The following CARMIL1 variants were observed in gnomAD, a reference collection of about 807,000 sequenced individuals.
CARMIL1 encodes the protein capping protein regulator and myosin 1 linker 1.
A neutral mutation model predicts 177.1 loss-of-function variants in CARMIL1; 90 were observed. The ratio of observed to expected loss-of-function variants is 0.51; its 90% CI spans 0.43 to 0.61. CARMIL1 has a LOEUF of 0.61. Ranked by LOEUF, CARMIL1 falls within the 20% of genes least tolerant of loss-of-function variation. The pLI is 0.00. For synonymous variants in CARMIL1, 577 were observed against 606.2 expected (o/e 0.95, Z 0.71); for missense variants, 1,380 against 1,667.0 (o/e 0.83, Z 3.00).
At chr6:25,377,136 G>A (rs1235414903) in intron 2 of CARMIL1, among the ~76,000 whole-genome samples, 1 of 152,212 alleles carries the variant, frequency 6.6e-6, no homozygotes, top group African/African-American at 2.4e-5. Flanking sequence ...CAGAAAGGCT[G>A]TCTACAGGTG....
At chr6:25,520,596 T>G (rs370020411) in intron 23 of CARMIL1, among the ~76,000 whole-genome samples, 4 of 152,200 alleles carry the variant, frequency 2.6e-5, no homozygotes, top group East Asian at 3.8e-4. Context: ...TGCCAGAGCT[T>G]AAGTATAGTT....
chr6:25,468,735 T>C (rs1340213266), intron 9 of CARMIL1, among the ~76,000 whole-genome samples: 1 of 152,258 alleles, frequency 6.6e-6, no homozygotes, highest in African/African-American at 2.4e-5. Context: ...AGAATTAATT[T>C]AATCATGAAT....
chr6:25,492,691 A>AT (rs1018442525), intron 15 of CARMIL1, among the ~76,000 whole-genome samples: 5 of 152,166 alleles, frequency 3.3e-5, no homozygotes, highest in Non-Finnish European at 1.5e-5. Context: ...TAGTTATATG[A>AT]TTTTAAATAA....
intron 20 of CARMIL1, among the ~76,000 whole-genome samples, chr6:25,513,507 A>G (rs301392): frequency 0.44 from 66,394 of 152,068 alleles, 14,900 homozygotes; most frequent in Middle Eastern, 0.52. Flanking sequence ...GCCATGGTAT[A>G]TTTGGATGAT....
At chr6:25,363,341 G>T (rs980761095) in intron 2 of CARMIL1, among the ~76,000 whole-genome samples, 1 of 152,088 alleles carries the variant, frequency 6.6e-6, no homozygotes, top group Non-Finnish European at 1.5e-5. Context: ...GAGCAGCTCA[G>T]AGGACTAGTG....
At chr6:25,316,768 GAAC>G (rs1784311402) in intron 2 of CARMIL1, among the ~76,000 whole-genome samples, 1 of 151,782 alleles carries the variant, frequency 6.6e-6, no homozygotes, top group African/African-American at 2.4e-5. Context: ...GGAAAGAGAA[GAAC>G]AAGAAGTTCT....
chr6:25,514,906 C>T (rs907479623), intron 20 of CARMIL1, among the ~76,000 whole-genome samples: 2 of 148,832 alleles, frequency 1.3e-5, no homozygotes, highest in Admixed American at 1.3e-4. Context: ...CCTGTGCATT[C>T]TGCACAGAGC....
At chr6:25,284,972 A>T in intron 2 of CARMIL1, 63 bp downstream of exon 2, 1 of 1,025,400 alleles carries the variant, frequency 9.8e-7, no homozygotes, top group Non-Finnish European at 1.5e-6. Flanking sequence ...CATTGTTTAG[A>T]TTGCTTAATT....
At chr6:25,370,097 A>G (rs962423624) in intron 2 of CARMIL1, 4 of 152,224 alleles carry the variant, frequency 2.6e-5, no homozygotes, top group African/African-American at 9.6e-5. Flanking sequence ...AGTAAGCATA[A>G]AAACAAGCGC....
intron 29 of CARMIL1, among the ~76,000 whole-genome samples, chr6:25,573,232 T>C (rs1812264303): frequency 6.6e-6 from 1 of 152,196 alleles, no homozygotes; most frequent in Admixed American, 6.5e-5. Flanking sequence ...CCCATTTATC[T>C]ATCATGTGTT....
intron 29 of CARMIL1, among the ~76,000 whole-genome samples, chr6:25,560,886 T>G (rs1026371825): frequency 1.3e-5 from 2 of 152,210 alleles, no homozygotes; most frequent in African/African-American, 4.8e-5. Flanking sequence ...TTTTAAACAT[T>G]GTTGGAAACG....
chr6:25,525,648 C>G (rs780465889), intron 23 of CARMIL1, among the ~76,000 whole-genome samples: 5 of 152,050 alleles, frequency 3.3e-5, no homozygotes, highest in Non-Finnish European at 7.4e-5. Context: ...CCACAATGTA[C>G]TGGGTGAATG....
At chr6:25,452,823 T>C (rs1799114407) in intron 8 of CARMIL1, among the ~76,000 whole-genome samples, 1 of 152,214 alleles carries the variant, frequency 6.6e-6, no homozygotes, top group African/African-American at 2.4e-5. Flanking sequence ...TTAGGAAGTA[T>C]TTTCAATAGC....
intron 2 of CARMIL1, among the ~76,000 whole-genome samples, chr6:25,309,383 C>T (rs1227855296): frequency 1.4e-5 from 2 of 147,000 alleles, no homozygotes; most frequent in Admixed American, 6.8e-5. Flanking sequence ...AAAAGTAATT[C>T]ACATACCATA....
intron 2 of CARMIL1, among the ~76,000 whole-genome samples, chr6:25,384,446 A>G (rs1791942970): frequency 6.6e-6 from 1 of 152,192 alleles, no homozygotes; most frequent in African/African-American, 2.4e-5. Flanking sequence ...CGTGTACAAT[A>G]GGTACTCAGG....
In CARMIL1 at chr6:25,313,683, G is replaced by GCATATATATATATATATATA; in HGVS notation, c.138+28774_138+28775insCATATATATATATATATATA. 9.8e-4 allele frequency among the ~76,000 whole-genome samples: 131 copies of GCATATATATATATATATATA among 133,636 alleles called. 7 individuals carry two copies. Among genetic ancestry groups the GCATATATATATATATATATA allele is most frequent in the East Asian group, 4.4e-3 (18 of 4,076 alleles). The allele number at this position is 133,636 out of a possible 152,430, so 87.7% of individuals were successfully genotyped here. A position where few individuals can be genotyped will look rare whatever the true frequency, so the allele number is the denominator to read the frequency against. The stretch of plus-strand genomic sequence containing the variant: ...TAAAGATCTTTACCCAGGGAAGGCT[G>GCATATATATATATATATATA]TATATATACAGTTATTTGGGAGAAA... On this transcript the variant is annotated intron_variant, in intron 2 of 36. Transcript: ENST00000329474.
chr6:25,296,943 C>CTATCTATCTT (rs1554153634), intron 2 of CARMIL1, among the ~76,000 whole-genome samples: 24 of 72,764 alleles, frequency 3.3e-4, no homozygotes, highest in African/African-American at 7.4e-4. Flanking sequence ...CTTTAACTAA[C>CTATCTATCTT]TAACTAACTA....
Position 25,537,944 on chromosome 6 carries a change from A to G in CARMIL1, c.2157A>G (p.Ser719=), listed in dbSNP as rs201812220. 3.7e-6 allele frequency: 6 copies of G among 1,605,668 alleles called. No individual in the cohort carries two copies. The highest frequency in any genetic ancestry group is 1.6e-4 in the Middle Eastern group (1 of 6,078). The change falls in exon 25 of 37, where the codon TCA becomes TCG. Residue 719 remains serine (S), a synonymous_variant. Coordinates refer to ENST00000329474, the MANE Select transcript of CARMIL1 (RefSeq NM_017640.6). ...GGDAIQEDLK[S]AERLMRDAKN... is the part of the protein sequence containing the mutation. The stretch of plus-strand genomic sequence containing the variant: ...ACGCTATCCAGGAAGATTTAAAATC[A>G]GCAGAGCGGCTCATGCGTGATGCTA...
chr6:25,337,995 C>A (rs1786452955), intron 2 of CARMIL1, among the ~76,000 whole-genome samples: 1 of 152,196 alleles, frequency 6.6e-6, no homozygotes, highest in Non-Finnish European at 1.5e-5. Flanking sequence ...CCTATCTTCC[C>A]CCTTCTTCCA....
Sources: allele counts gnomAD v4.1 joint callset (sites outside exome capture counted in the v4.1 genomes callset), GRCh38; gene constraint gnomAD v4.1.1; transcripts MANE v1.5; gene names NCBI Gene and HGNC (gene_info 2026-07-23, HGNC 2026-07-21).